The following MYH9 variants were observed in gnomAD, a reference collection of about 807,000 sequenced individuals.
MYH9 encodes myosin-9.
A neutral mutation model predicts 241.9 loss-of-function variants in MYH9; 29 were observed. The observed-to-expected ratio is 0.12, with a 90% CI of 0.09 to 0.16. The LOEUF (loss-of-function observed/expected upper bound fraction) is 0.16, where lower values mean the gene tolerates loss of function less well. Ranked by LOEUF, MYH9 falls within the 10% of genes least tolerant of loss-of-function variation. The pLI is 1.00. For missense variants in MYH9, 1,803 were observed against 2,595.5 expected (o/e 0.69, Z 6.63); for synonymous variants, 1,047 against 1,062.6 (o/e 0.99, Z 0.29).
chr22:36,339,744 A>G (rs1005179475), intron 3 of MYH9, among the ~76,000 whole-genome samples: 3 of 152,224 alleles, frequency 2.0e-5, no homozygotes, highest in Non-Finnish European at 2.9e-5. Context: ...ATGGGACATA[A>G]CAAACCACTA....
In MYH9 at chr22:36,366,442, C is replaced by T. The variant is rs555048457; in HGVS notation, c.-19-17187G>A. Among the ~76,000 whole-genome samples, 12 of 152,190 alleles carry T rather than the reference C, an allele frequency of 7.9e-5. No individual in the cohort carries two copies. In the South Asian group the frequency reaches 2.5e-3, roughly 32 times the overall value. On this transcript the variant is annotated intron_variant, in intron 1 of 40. Transcript: ENST00000216181. ...CAAGTGAGACTCAGCTGTAGCAACC[C>T]AATCACCTGACACATTCATCTCGTG...
intron 23 of MYH9, among the ~76,000 whole-genome samples, chr22:36,299,334 G>A (rs1029757599): frequency 6.6e-6 from 1 of 152,196 alleles, no homozygotes; most frequent in Non-Finnish European, 1.5e-5. Flanking sequence ...TGTCAGCAGG[G>A]ACAGATGGCT....
At chr22:36,342,703 G>A (rs1470874134) in intron 2 of MYH9, among the ~76,000 whole-genome samples, 1 of 151,998 alleles carries the variant, frequency 6.6e-6, no homozygotes, top group Non-Finnish European at 1.5e-5. Context: ...ATGTTCAGTT[G>A]GGGAACGCAA....
intron 2 of MYH9, among the ~76,000 whole-genome samples, chr22:36,345,065 C>G (rs747105813): frequency 1.3e-5 from 2 of 152,154 alleles, no homozygotes; most frequent in Non-Finnish European, 2.9e-5. Context: ...GTAATCCCAG[C>G]ACTTTGGGAG....
rs553915234 is a variant in MYH9 at position 36,306,306 on chromosome 22, C to T, written c.2037+108G>A. On this transcript the variant is annotated intron_variant, in intron 16 of 40. Transcript: ENST00000216181. This position sits in a 1 kb window ranked among gnomAD's most constrained non-coding sequence, Gnocchi z 4.1. Reference sequence around the variant, plus strand: ...CCCTGCAGAGAAACGACTGAAGGCTCTGTGCATGCTGGGGGGCTGGAGGGG... The same window carrying T: ...CCCTGCAGAGAAACGACTGAAGGCTTTGTGCATGCTGGGGGGCTGGAGGGG... The T allele has an allele frequency of 9.7e-6, 14 of 1,436,618 alleles. No homozygotes were observed. The African/African-American group carries it at 2.0e-4, about 20-fold the overall frequency. 89.0% of individuals were successfully genotyped at this position (1,436,618 alleles called of 1,614,324 possible).
chr22:36,333,517 C>A (rs2017454168), intron 3 of MYH9, among the ~76,000 whole-genome samples: 2 of 152,168 alleles, frequency 1.3e-5, no homozygotes, highest in African/African-American at 2.4e-5. Flanking sequence ...CAAAAGAAAA[C>A]CTGGGGTCTC....
intron 1 of MYH9, among the ~76,000 whole-genome samples, chr22:36,370,923 T>C (rs529821934): frequency 1.7e-4 from 26 of 152,330 alleles, no homozygotes; most frequent in African/African-American, 6.3e-4. Context: ...AACTAGACAC[T>C]GCTGAGAGCA....
Position 36,281,351 on chromosome 22 carries a change from G to C in MYH9, c.*1317C>G, listed in dbSNP as rs969252289. ...AAACCAGCTTACTGTAGTGGTGACA[G>C]CTGCAACACATGCTAAGGCACTTTT... is the stretch of plus-strand genomic sequence containing the variant. On this transcript the variant is annotated 3_prime_UTR_variant, in exon 41 of 41. Coordinates refer to ENST00000216181, the MANE Select transcript of MYH9 (RefSeq NM_002473.6). 9.1e-6 allele frequency: 2 copies of C among 219,076 alleles called. No homozygotes were observed. The highest frequency in any genetic ancestry group is 1.8e-5 in the Non-Finnish European group (2 of 108,934). 13.6% of individuals were successfully genotyped at this position (219,076 alleles called of 1,614,324 possible).
rs371397198 is a variant in MYH9, at chr22:36,301,582, C to G, written c.2583G>C (p.Gln861His). 7.4e-6 allele frequency: 12 copies of G among 1,613,936 alleles called. No individual in the cohort carries two copies. Among genetic ancestry groups the G allele is most frequent in the Non-Finnish European group, 1.0e-5 (12 of 1,180,050 alleles). The change falls in exon 21 of 41, where the codon CAG (glutamine) becomes CAC (histidine). Residue 861 changes from glutamine to histidine, a missense_variant. By Grantham distance (24) the Gln-to-His change is conservative. Around this residue, in one of 11 missense-constraint regions of MYH9, gnomAD observed 290 missense variants for 360.5 expected, o/e 0.80. Transcript: ENST00000216181. ...EEELVKVREK[Q>H]LAAENRLTEM... Reference sequence around the variant, plus strand: ...CCGTGAGCCTGTTCTCCGCAGCCAGCTGCTTCTCTCTGACCTTCACCAGCT... The same window carrying G: ...CCGTGAGCCTGTTCTCCGCAGCCAGGTGCTTCTCTCTGACCTTCACCAGCT...
chr22:36,320,340 T>C lies in MYH9; in HGVS notation c.892A>G (p.Asn298Asp). 6.2e-7 allele frequency: 1 copy of C among 1,614,102 alleles called. No homozygotes were observed. ...CCATTGGACAGGAAGCGGTATTTGT[T>C]GTACGGCTCCAACAGGAGATCGGCT... ...LKTDLLLEPY[N>D]KYRFLSNGHV... Residue 298 changes from asparagine to aspartate, a missense_variant, in exon 9 of 41, where the codon AAC becomes GAC. By Grantham distance (23) the Asn-to-Asp change is conservative. Transcript: ENST00000216181. The surrounding 1 kb of genome is among the most constrained non-coding windows in gnomAD (Gnocchi z 4.8).
intron 20 of MYH9, 44 bp downstream of exon 20, chr22:36,302,524 G>A: frequency 6.8e-7 from 1 of 1,470,340 alleles, no homozygotes; most frequent in Admixed American, 1.7e-5. Flanking sequence ...ATGGTGGTGT[G>A]CACCCGTAGT....
At chr22:36,296,774 A>G in intron 25 of MYH9, 69 bp downstream of exon 25, 1 of 1,497,360 alleles carries the variant, frequency 6.7e-7, no homozygotes, top group Non-Finnish European at 8.9e-7. Flanking sequence ...GCCGAGAACT[A>G]GGGCCAGCAG....
At chr22:36,328,618 C>T (rs545579749) in intron 3 of MYH9, among the ~76,000 whole-genome samples, 24 of 152,346 alleles carry the variant, frequency 1.6e-4, no homozygotes, top group African/African-American at 5.8e-4. Flanking sequence ...ATGGACCTGC[C>T]GCAGTCCCTG....
chr22:36,320,956 A>ATT lies in MYH9; in HGVS notation c.770-62_770-61dup, dbSNP rs61051159. 15,991 of 1,206,596 alleles carry ATT rather than the reference A, an allele frequency of 0.013. 1,165 individuals are homozygous for ATT. The African/African-American group carries it at 0.21, about 16-fold the overall frequency. 74.7% of individuals were successfully genotyped at this position (1,206,596 alleles called of 1,614,324 possible). ...AGAAGGCAAGCCCTCCACTTTCCTC[A>ATT]TTTTTTTTTTTTTGGAGACAGAGTC... On this transcript the variant is annotated intron_variant, in intron 7 of 40. Coordinates refer to ENST00000216181, the MANE Select transcript of MYH9 (RefSeq NM_002473.6). This position sits in a 1 kb window ranked among gnomAD's most constrained non-coding sequence, Gnocchi z 4.8.
intron 31 of MYH9, among the ~76,000 whole-genome samples, chr22:36,291,646 T>C (rs1603482865): frequency 8.1e-6 from 1 of 122,942 alleles, no homozygotes; most frequent in Admixed American, 1.0e-4. Flanking sequence ...CAAATCCCCC[T>C]CTGCGAGAAA....
In MYH9 at chr22:36,383,523, A is replaced by G. The variant is rs560954720; in HGVS notation, c.-20+4284T>C. 7.3e-4 allele frequency among the ~76,000 whole-genome samples: 111 copies of G among 152,266 alleles called. No individual in the cohort carries two copies. The South Asian group carries it at 7.7e-3, about 11-fold the overall frequency. On this transcript the variant is annotated intron_variant, in intron 1 of 40. Coordinates refer to ENST00000216181, the MANE Select transcript of MYH9 (RefSeq NM_002473.6). ...TCCACAACCACAGTCCACAACCACA[A>G]TACACGCATACCTTGTTGTGCACAG... is the stretch of plus-strand genomic sequence containing the variant.
Position 36,353,007 on chromosome 22 carries a change from C to T in MYH9, c.-19-3752G>A, listed in dbSNP as rs543815100. Among the ~76,000 whole-genome samples the T allele has an allele frequency of 6.2e-4, 94 of 152,288 alleles. 1 individual carries two copies. The highest frequency in any genetic ancestry group is 7.9e-4 in the Non-Finnish European group (54 of 68,016). Reference sequence around the variant, plus strand: ...AGTGGAGTTTCTATGAAAGCCCCCTCGGCCACCTGGGCAGGATCAGCCACA... The same window carrying T: ...AGTGGAGTTTCTATGAAAGCCCCCTTGGCCACCTGGGCAGGATCAGCCACA... On this transcript the variant is annotated intron_variant, in intron 1 of 40. Transcript: ENST00000216181.
chr22:36,386,908 G>A (rs2018360769), intron 1 of MYH9, among the ~76,000 whole-genome samples: 2 of 152,262 alleles, frequency 1.3e-5, no homozygotes, highest in East Asian at 1.9e-4. Flanking sequence ...GGCTCAAACA[G>A]GAAAGATGCA....
At position 36,285,326 on chromosome 22, in the gene MYH9, C is replaced by T. The variant is rs1026560650; in HGVS notation, c.5278G>A (p.Asp1760Asn). Residue 1760 changes from aspartate to asparagine, a missense_variant, in exon 38 of 41, where the codon GAC becomes AAC. By Grantham distance (23) the Asp-to-Asn change is conservative. This residue lies in a region of MYH9 where 876 missense variants were observed against 1,077.8 expected (regional missense o/e 0.81). Coordinates refer to ENST00000216181, the MANE Select transcript of MYH9 (RefSeq NM_002473.6). This position sits in a 1 kb window ranked among gnomAD's most constrained non-coding sequence, Gnocchi z 7.0. ...DRLKKANLQI[D>N]QINTDLNLER... Reference sequence around the variant, plus strand: ...AGGTTCAGGTCGGTGTTGATCTGGTCGATCTGCAGAAGAAGGGCCAGTGAC... The same window carrying T: ...AGGTTCAGGTCGGTGTTGATCTGGTTGATCTGCAGAAGAAGGGCCAGTGAC... 5.0e-6 allele frequency: 8 copies of T among 1,608,346 alleles called. No homozygotes were observed. The highest frequency in any genetic ancestry group is 2.2e-5 in the East Asian group (1 of 44,886).
Sources: allele counts gnomAD v4.1 joint callset (sites outside exome capture counted in the v4.1 genomes callset), GRCh38; gene constraint gnomAD v4.1.1; regional missense constraint gnomAD v4.1.1; non-coding constraint Gnocchi (gnomAD v3.1); transcripts MANE v1.5; gene names NCBI Gene and HGNC (gene_info 2026-07-23, HGNC 2026-07-21).